ENTREP2: variants seen among roughly 807,000 people sequenced by gnomAD.
ENTREP2 encodes the protein endosomal transmembrane epsin interactor 2, also known as protein ENTREP2.
chr15:29,252,102 G>A, the ENTREP2 span, among the ~76,000 whole-genome samples: 7 of 152,208 alleles, frequency 4.6e-5, no homozygotes, highest in East Asian at 1.2e-3. Context: ...ATAGCACTAC[G>A]TTGTGATCCT....
chr15:29,158,814 G>C, the ENTREP2 span, among the ~76,000 whole-genome samples: 1 of 152,030 alleles, frequency 6.6e-6, no homozygotes, highest in African/African-American at 2.4e-5. Context: ...ATGTTATAAA[G>C]TTAAGGAAGT....
At chr15:29,390,964 A>T in the ENTREP2 span, among the ~76,000 whole-genome samples, 1 of 152,140 alleles carries the variant, frequency 6.6e-6, no homozygotes, top group East Asian at 1.9e-4. Flanking sequence ...GCAAAAACAG[A>T]GCAAATAATA....
the ENTREP2 span, among the ~76,000 whole-genome samples, chr15:29,222,239 C>A: frequency 6.6e-6 from 1 of 152,192 alleles, no homozygotes; most frequent in African/African-American, 2.4e-5. Context: ...CTCACTGCTA[C>A]ACTCCCATCA....
the ENTREP2 span, chr15:29,570,603 C>T: frequency 6.8e-7 from 1 of 1,461,368 alleles, no homozygotes; most frequent in Non-Finnish European, 9.0e-7. Flanking sequence ...CATCCGAGCG[C>T]CATCTGCGTG....
At chr15:29,343,141 C>T in the ENTREP2 span, among the ~76,000 whole-genome samples, 7 of 151,342 alleles carry the variant, frequency 4.6e-5, no homozygotes, top group Admixed American at 6.6e-5. Context: ...AATGTGGGCA[C>T]GTATGTTCTT....
the ENTREP2 span, chr15:29,136,446 T>C: frequency 1.9e-6 from 3 of 1,547,652 alleles, no homozygotes; most frequent in East Asian, 2.5e-5. Context: ...GGGCTATTGA[T>C]GGCCACGTCA....
chr15:29,234,550 A>G, the ENTREP2 span: 2 of 1,395,738 alleles, frequency 1.4e-6, no homozygotes, highest in Admixed American at 3.3e-5. Flanking sequence ...AAATAGCAAC[A>G]GATGTGGCAG....
chr15:29,381,904 C>A, the ENTREP2 span: 1 of 1,376,180 alleles, frequency 7.3e-7, no homozygotes, highest in Non-Finnish European at 1.0e-6. Context: ...CACTGTGAAC[C>A]GTTTCAACCC....
chr15:29,649,195 T>C, the ENTREP2 span, among the ~76,000 whole-genome samples: 9 of 151,912 alleles, frequency 5.9e-5, no homozygotes, highest in Non-Finnish European at 1.2e-4. Flanking sequence ...AAAAGTAGAT[T>C]TGTTAGAAGC....
chr15:29,586,989 C>T, the ENTREP2 span, among the ~76,000 whole-genome samples: 1 of 152,022 alleles, frequency 6.6e-6, no homozygotes, highest in African/African-American at 2.4e-5. Flanking sequence ...ATTCTATCAT[C>T]CCTTGTGTTC....
At chr15:29,322,752 G>C in the ENTREP2 span, among the ~76,000 whole-genome samples, 1 of 152,196 alleles carries the variant, frequency 6.6e-6, no homozygotes, top group African/African-American at 2.4e-5. Context: ...CGTGGATTCA[G>C]TGATGTGACC....
the ENTREP2 span, among the ~76,000 whole-genome samples, chr15:29,461,057 C>T: frequency 9.9e-5 from 15 of 151,418 alleles, no homozygotes; most frequent in African/African-American, 3.2e-4. Flanking sequence ...ACAATAACTA[C>T]GGCATCAACA....
the ENTREP2 span, among the ~76,000 whole-genome samples, chr15:29,144,929 A>T: frequency 5.3e-5 from 8 of 152,062 alleles, no homozygotes; most frequent in Admixed American, 5.2e-4. Context: ...GGTGGCATAC[A>T]TCTGTAATCC....
chr15:29,274,367 T>C, the ENTREP2 span, among the ~76,000 whole-genome samples: 1 of 152,244 alleles, frequency 6.6e-6, no homozygotes, highest in South Asian at 2.1e-4. Context: ...GTGTGAGATC[T>C]GAACACAGCC....
the ENTREP2 span, among the ~76,000 whole-genome samples, chr15:29,513,660 T>A: frequency 1.3e-5 from 2 of 152,210 alleles, no homozygotes; most frequent in African/African-American, 4.8e-5. Flanking sequence ...GTGCTCCACT[T>A]TGAAAACAAA....
At chr15:29,582,069 G>C in the ENTREP2 span, among the ~76,000 whole-genome samples, 1 of 151,840 alleles carries the variant, frequency 6.6e-6, no homozygotes, top group Non-Finnish European at 1.5e-5. Flanking sequence ...AGCCTCCCAA[G>C]TAGCTGGGAT....
At chr15:29,391,383 C>T in the ENTREP2 span, among the ~76,000 whole-genome samples, 3 of 152,104 alleles carry the variant, frequency 2.0e-5, no homozygotes, top group East Asian at 5.8e-4. Context: ...TTCTTCTCAA[C>T]CTACTGATAG....
At chr15:29,398,759 A>G in the ENTREP2 span, among the ~76,000 whole-genome samples, 1 of 152,166 alleles carries the variant, frequency 6.6e-6, no homozygotes, top group African/African-American at 2.4e-5. Flanking sequence ...TGATTCTGAA[A>G]GTACTCGTGT....
At chr15:29,251,161 T>G in the ENTREP2 span, among the ~76,000 whole-genome samples, 1 of 152,176 alleles carries the variant, frequency 6.6e-6, no homozygotes, top group East Asian at 1.9e-4. Context: ...CTCAGAATCA[T>G]AGCCACAGGT....
Sources: allele counts gnomAD v4.1 joint callset (sites outside exome capture counted in the v4.1 genomes callset), GRCh38; gene constraint gnomAD v4.1.1; transcripts MANE v1.5; gene names NCBI Gene and HGNC (gene_info 2026-07-23, HGNC 2026-07-21).